Variants in STAM observed in about 807,000 individuals in gnomAD.
STAM encodes signal transducing adapter molecule 1.
STAM carries 16 observed loss-of-function variants against 63.4 expected under a neutral mutation model. The ratio of observed to expected loss-of-function variants is 0.25; its 90% CI spans 0.17 to 0.38. STAM has a LOEUF of 0.38. Among genes scored for constraint, STAM ranks in the 10% least tolerant of loss-of-function variants. The pLI, the probability that STAM is intolerant of heterozygous loss-of-function variation, is 1.00. For synonymous variants in STAM, 238 were observed against 223.9 expected (o/e 1.06, Z -0.56); for missense variants, 636 against 657.1 (o/e 0.97, Z 0.35).
At chr10:17,694,911 T>C in intron 6 of STAM, 138 bp from the exon 7 acceptor site, 1 of 669,390 alleles carries the variant, frequency 1.5e-6, no homozygotes, top group Non-Finnish European at 2.3e-6. Flanking sequence ...TGATTTTTGT[T>C]CAATGTATCA....
chr10:17,713,163 G>T (rs1836635085), intron 13 of STAM, among the ~76,000 whole-genome samples: 1 of 151,958 alleles, frequency 6.6e-6, no homozygotes, highest in Admixed American at 6.6e-5. Flanking sequence ...TTTCCCTTCT[G>T]CCTCACCGCC....
intron 5 of STAM, among the ~76,000 whole-genome samples, chr10:17,691,964 T>C (rs1554826840): frequency 6.6e-6 from 1 of 152,244 alleles, no homozygotes; most frequent in African/African-American, 2.4e-5. Flanking sequence ...TACCTCTACA[T>C]ACGTTATAAG....
Position 17,704,566 on chromosome 10 carries a change from A to G in STAM, c.1000+48A>G, listed in dbSNP as rs1230606337. ...GCAAATAAAGAGTAGTTAGAGGTTA[A>G]TAACTGGTGTCCTGTTAAAGAATGG... On this transcript the variant is annotated intron_variant, in intron 10 of 13. Coordinates refer to ENST00000377524, the MANE Select transcript of STAM (RefSeq NM_003473.4). 5 of 1,438,106 alleles carry G rather than the reference A, an allele frequency of 3.5e-6. 1 individual carries two copies. Among genetic ancestry groups the G allele is most frequent in the Middle Eastern group, 3.5e-4 (2 of 5,712 alleles). 89.1% of individuals were successfully genotyped at this position (1,438,106 alleles called of 1,614,324 possible).
chr10:17,667,632 A>G (rs1554823596), intron 2 of STAM, among the ~76,000 whole-genome samples: 1 of 152,224 alleles, frequency 6.6e-6, no homozygotes, highest in African/African-American at 2.4e-5. Context: ...TAATATTCTA[A>G]TGGTGGAAGA....
intron 1 of STAM, among the ~76,000 whole-genome samples, chr10:17,644,852 C>G (rs1214618324): frequency 2.0e-5 from 3 of 152,130 alleles, no homozygotes; most frequent in African/African-American, 7.2e-5. Context: ...GTAACGGTAA[C>G]TGAAGGAGGG....
Position 17,715,407 on chromosome 10 carries a change from G to T in STAM, c.*627G>T, listed in dbSNP as rs1204245696. On this transcript the variant is annotated 3_prime_UTR_variant, in exon 14 of 14. Coordinates refer to ENST00000377524, the MANE Select transcript of STAM (RefSeq NM_003473.4). The stretch of plus-strand genomic sequence containing the variant: ...TAAAGAGATATATATATATATGTGT[G>T]TGTATATATATATATCTACATGTCT... 1 of 154,106 alleles carries T rather than the reference G, an allele frequency of 6.5e-6. No homozygotes were observed. Among genetic ancestry groups the T allele is most frequent in the Non-Finnish European group, 1.4e-5 (1 of 69,330 alleles). 9.5% of individuals were successfully genotyped at this position (154,106 alleles called of 1,614,324 possible).
At chr10:17,710,080 G>T (rs1338105228) in intron 13 of STAM, among the ~76,000 whole-genome samples, 10 of 151,638 alleles carry the variant, frequency 6.6e-5, no homozygotes, top group African/African-American at 2.4e-4. Flanking sequence ...TAGAAGGTAG[G>T]AATTGTTGAG....
intron 6 of STAM, 183 bp from the exon 7 acceptor site, chr10:17,694,866 C>T (rs1256472154): frequency 8.3e-6 from 4 of 484,294 alleles, no homozygotes; most frequent in African/African-American, 7.9e-5. Context: ...TATTTTTAAA[C>T]TTTCAGTTGT....
At position 17,644,276 on chromosome 10, in the gene STAM, G is replaced by A. The variant is rs1029032640; in HGVS notation, c.-64G>A. On this transcript the variant is annotated 5_prime_UTR_variant, in exon 1 of 14. Transcript: ENST00000377524. ...TTGCCTGAGGAGTCTTCCATCCTAC[G>A]TCGAGCTCTGACTCCCGTGCTGTCG... The A allele has an allele frequency of 5.1e-6, 8 of 1,581,322 alleles. No individual in the cohort carries two copies. Among genetic ancestry groups the A allele is most frequent in the East Asian group, 2.2e-5 (1 of 44,688 alleles).
chr10:17,655,603 G>A lies in STAM; in HGVS notation c.41-4861G>A, dbSNP rs570498471. On this transcript the variant is annotated intron_variant, in intron 1 of 13. Coordinates refer to ENST00000377524, the MANE Select transcript of STAM (RefSeq NM_003473.4). ...TTTTCTGCGATTAAACTCACTTGAC[G>A]TACTTCTGCTCTCAGTAGTAGGTCA... 1.4e-4 allele frequency among the ~76,000 whole-genome samples: 21 copies of A among 152,232 alleles called. No individual in the cohort carries two copies. In the South Asian group the frequency reaches 3.1e-3, roughly 23 times the overall value.
At chr10:17,678,937 A>G (rs1272470489) in intron 2 of STAM, among the ~76,000 whole-genome samples, 2 of 152,202 alleles carry the variant, frequency 1.3e-5, no homozygotes, top group African/African-American at 2.4e-5. Context: ...AGGTCCATCC[A>G]TGTTGTATAT....
At position 17,705,720 on chromosome 10, in the gene STAM, A is replaced by T. The variant is rs782225193; in HGVS notation, c.1188A>T (p.Ser396=). Reference sequence around the variant, plus strand: ...AGAATCAGCCATATTATATGCAGTCATCTGGTGTTTCTGGTTCTCAGGTAA... The same window carrying T: ...AGAATCAGCCATATTATATGCAGTCTTCTGGTGTTTCTGGTTCTCAGGTAA... The part of the protein sequence containing the change: ...KLQNQPYYMQ[S]SGVSGSQVYA... The change falls in exon 12 of 14, where the codon TCA becomes TCT. Residue 396 remains serine, a synonymous_variant. Coordinates refer to ENST00000377524, the MANE Select transcript of STAM (RefSeq NM_003473.4). 1.9e-6 allele frequency: 3 copies of T among 1,612,278 alleles called. No individual in the cohort carries two copies. Among genetic ancestry groups the T allele is most frequent in the East Asian group, 2.2e-5 (1 of 44,848 alleles).
chr10:17,693,077 T>C (rs1835609598), intron 5 of STAM, 145 bp from the exon 6 acceptor site: 3 of 641,682 alleles, frequency 4.7e-6, no homozygotes, highest in African/African-American at 1.8e-5. Context: ...CTCTCCCTTT[T>C]AAGGTGGAAG....
Position 17,660,476 on chromosome 10 carries a change from G to A in STAM, c.53G>A (p.Ser18Asn). ...PFDQDVEKAT[S>N]EMNTAEDWGL... The stretch of plus-strand genomic sequence containing the variant: ...TTACAATCTACAGAGAAAGCAACCA[G>A]CGAGATGAATACTGCTGAGGACTGG... The change falls in exon 2 of 14, where the codon AGC becomes AAC. Residue 18 changes from serine (S) to asparagine (N), a missense_variant. By Grantham distance (46) the Ser-to-Asn change is conservative (BLOSUM62 1). This residue lies in a region of STAM where 87 missense variants were observed against 80.3 expected (regional missense o/e 1.08). Transcript: ENST00000377524. The A allele has an allele frequency of 6.3e-7, 1 of 1,597,012 alleles. No homozygotes were observed. Among genetic ancestry groups the A allele is most frequent in the South Asian group, 1.1e-5 (1 of 88,550 alleles).
chr10:17,705,761 T>C lies in STAM; in HGVS notation c.1209+20T>C. 1 of 1,604,850 alleles carries C rather than the reference T, an allele frequency of 6.2e-7. No individual in the cohort carries two copies. The highest frequency in any genetic ancestry group is 8.5e-7 in the Non-Finnish European group (1 of 1,176,558). On this transcript the variant is annotated intron_variant, in intron 12 of 13. Transcript: ENST00000377524. ...TCTCAGGTAAGCTTTTAGAAGCCCATGTTGTTTTAAATTCTCAAATGCACA... is the reference window on the plus strand; with the variant it reads ...TCTCAGGTAAGCTTTTAGAAGCCCACGTTGTTTTAAATTCTCAAATGCACA...
intron 1 of STAM, among the ~76,000 whole-genome samples, chr10:17,657,443 G>A (rs186511269): frequency 3.5e-4 from 54 of 152,246 alleles, no homozygotes; most frequent in Admixed American, 3.3e-3. Flanking sequence ...TAATGTTTTT[G>A]TCTGGTTTTG....
intron 6 of STAM, among the ~76,000 whole-genome samples, chr10:17,693,791 T>C (rs1835645044): frequency 1.3e-5 from 2 of 152,202 alleles, no homozygotes; most frequent in Admixed American, 1.3e-4. Flanking sequence ...TTGTACATAT[T>C]CTCTGTGCAC....
At chr10:17,704,808 T>G (rs1836181015) in intron 10 of STAM, among the ~76,000 whole-genome samples, 162 bp from the exon 11 acceptor site, 1 of 152,232 alleles carries the variant, frequency 6.6e-6, no homozygotes, top group South Asian at 2.1e-4. Context: ...CATTATACTT[T>G]AAGAAAATCA....
rs141297110 is a variant in STAM at position 17,657,608 on chromosome 10, A to G, written c.41-2856A>G. ...CATCTGGGCCTGTGCTTTCTGTTTT[A>G]GAAGATTATTAATTATTGATTCAGT... is the stretch of plus-strand genomic sequence containing the variant. On this transcript the variant is annotated intron_variant, in intron 1 of 13. Transcript: ENST00000377524. 5.1e-3 allele frequency among the ~76,000 whole-genome samples: 774 copies of G among 152,326 alleles called. 4 individuals are homozygous for G. Among genetic ancestry groups the G allele is most frequent in the African/African-American group, 0.018 (737 of 41,572 alleles).
Sources: gnomAD v4.1 joint callset for allele counts (sites outside exome capture counted in the v4.1 genomes callset) on GRCh38, gnomAD v4.1.1 for gene constraint, gnomAD v4.1.1 regional missense constraint, MANE v1.5 for transcripts, NCBI Gene and HGNC (gene_info 2026-07-23, HGNC 2026-07-21) for gene names.